Variants in PDLIM5 observed in about 807,000 individuals in gnomAD.
PDLIM5 encodes PDZ and LIM domain protein 5.
A neutral mutation model predicts 64.2 loss-of-function variants in PDLIM5; 34 were observed. The observed-to-expected ratio is 0.53, with a 90% CI of 0.40 to 0.71. The LOEUF is 0.71. PDLIM5 is among the 30% of genes least tolerant of loss of function. The probability of loss-of-function intolerance (pLI) is 0.00; values close to 1 mark genes in which losing one functional copy is unlikely to be tolerated. For synonymous variants in PDLIM5, 253 were observed against 269.1 expected (o/e 0.94, Z 0.59); for missense variants, 683 against 733.6 (o/e 0.93, Z 0.80).
At chr4:94,464,647 G>A (rs545891539) in intron 2 of PDLIM5, among the ~76,000 whole-genome samples, 24 of 152,300 alleles carry the variant, frequency 1.6e-4, no homozygotes, top group Non-Finnish European at 2.6e-4. Flanking sequence ...GCTAGCTATC[G>A]TGTTACACAT....
chr4:94,630,910 A>G (rs186622668), intron 8 of PDLIM5, among the ~76,000 whole-genome samples: 2 of 152,216 alleles, frequency 1.3e-5, no homozygotes, highest in East Asian at 1.9e-4. Context: ...GTCCTTAGCA[A>G]AAGTATTAGA....
chr4:94,458,930 G>A (rs142343523), intron 2 of PDLIM5, among the ~76,000 whole-genome samples: 1 of 152,266 alleles, frequency 6.6e-6, no homozygotes, highest in East Asian at 1.9e-4. Context: ...GCTGTAGCTG[G>A]ATGATCACAT....
At position 94,618,028 on chromosome 4, in the gene PDLIM5, G is replaced by A; in HGVS notation, c.945G>A (p.Gln315=). The A allele has an allele frequency of 6.3e-7, 1 of 1,582,712 alleles. No individual in the cohort carries two copies. Among genetic ancestry groups the A allele is most frequent in the Non-Finnish European group, 8.6e-7 (1 of 1,164,404 alleles). Residue 315 remains glutamine, a synonymous_variant, in exon 8 of 13, where the codon CAG becomes CAA. Transcript: ENST00000317968. ...KANNSQEPSP[Q]LASSVASTRS... is the part of the protein sequence containing the mutation. ...GTAACTCTCAGGAGCCTTCTCCGCAGTTGGCTTCCTCGGTAGCTTCCACAC... is the reference window on the plus strand; with the variant it reads ...GTAACTCTCAGGAGCCTTCTCCGCAATTGGCTTCCTCGGTAGCTTCCACAC...
At chr4:94,587,062 C>T (rs762421787) in intron 7 of PDLIM5, 20 of 1,609,298 alleles carry the variant, frequency 1.2e-5, no homozygotes, top group East Asian at 2.2e-5. Context: ...AGTTTCAGCA[C>T]GTGCTCTTAA....
rs141252645 is a variant in PDLIM5 at position 94,607,477 on chromosome 4, C to T, written c.921-10527C>T. On this transcript the variant is annotated intron_variant, in intron 7 of 12. Coordinates refer to ENST00000317968, the MANE Select transcript of PDLIM5 (RefSeq NM_006457.5). ...AAAGTAAAGAATACTCAAAACCCTA[C>T]GATTGCATGCCACCATCTGTTGTAT... Among the ~76,000 whole-genome samples the T allele has an allele frequency of 3.3e-3, 502 of 152,242 alleles. 1 individual carries two copies. Among genetic ancestry groups the T allele is most frequent in the Non-Finnish European group, 4.6e-3 (316 of 68,004 alleles).
At chr4:94,662,083 T>C (rs1742774532) in intron 11 of PDLIM5, among the ~76,000 whole-genome samples, 1 of 152,150 alleles carries the variant, frequency 6.6e-6, no homozygotes, top group South Asian at 2.1e-4. Context: ...CCTCCCAAAG[T>C]GCTGGGATTA....
At chr4:94,456,895 C>A in intron 2 of PDLIM5, 1 of 1,068,258 alleles carries the variant, frequency 9.4e-7, no homozygotes, top group Non-Finnish European at 1.1e-6. Flanking sequence ...TGATATTATT[C>A]CCATTGTATA....
chr4:94,588,270 T>C lies in PDLIM5; in HGVS notation c.920+1826T>C, dbSNP rs972069491. On this transcript the variant is annotated intron_variant, in intron 7 of 12. Transcript: ENST00000317968. ...TTGTGAGGTTACTAAAATATGGGTA[T>C]AAAACACGGCAGGCCAGGTGCGGTG... The C allele has an allele frequency of 5.6e-6, 4 of 713,140 alleles. No homozygotes were observed. In the African/African-American group the frequency reaches 7.7e-5, roughly 14 times the overall value. The allele number at this position is 713,140 out of a possible 1,614,324, so 44.2% of individuals were successfully genotyped here.
chr4:94,587,562 T>C, intron 7 of PDLIM5: 1 of 941,314 alleles, frequency 1.1e-6, no homozygotes, highest in Non-Finnish European at 1.3e-6. Flanking sequence ...TAAGTAAATA[T>C]AAGGAGGCAA....
rs1742996342 is a variant in PDLIM5 at position 94,664,896 on chromosome 4, T to C, written c.*829T>C. ...AAAAAAAAACTTTGCTTGTATATTA[T>C]TTTTGCCTTACAGTGGATCATTCTA... On this transcript the variant is annotated 3_prime_UTR_variant, in exon 13 of 13. Coordinates refer to ENST00000317968, the MANE Select transcript of PDLIM5 (RefSeq NM_006457.5). 2 of 973,818 alleles carry C rather than the reference T, an allele frequency of 2.1e-6. No individual in the cohort carries two copies. The highest frequency in any genetic ancestry group is 4.7e-5 in the South Asian group (1 of 21,064). 60.3% of individuals were successfully genotyped at this position (973,818 alleles called of 1,614,324 possible). A position where few individuals can be genotyped will look rare whatever the true frequency, so the allele number is the denominator to read the frequency against.
At chr4:94,641,542 CAT>C (rs1741006738) in intron 9 of PDLIM5, among the ~76,000 whole-genome samples, 1 of 152,070 alleles carries the variant, frequency 6.6e-6, no homozygotes, top group African/African-American at 2.4e-5. Flanking sequence ...GTTTAAAAAA[CAT>C]AGAAACACAG....
chr4:94,516,288 C>T (rs1729351359), intron 2 of PDLIM5, among the ~76,000 whole-genome samples: 1 of 148,672 alleles, frequency 6.7e-6, no homozygotes, highest in Admixed American at 6.6e-5. Flanking sequence ...GAGGTATTCT[C>T]CTCATTGCTA....
chr4:94,656,836 G>C (rs1216169704), intron 10 of PDLIM5: 2 of 151,576 alleles, frequency 1.3e-5, no homozygotes, highest in Non-Finnish European at 2.9e-5. Context: ...GGGTTTCACC[G>C]TGTTAGCCAG....
chr4:94,626,655 A>T (rs1047861535), intron 8 of PDLIM5, among the ~76,000 whole-genome samples: 9 of 152,066 alleles, frequency 5.9e-5, no homozygotes, highest in Non-Finnish European at 1.3e-4. Context: ...TTTGGCTAAG[A>T]TTCTAGTTAA....
rs868554670 is a variant in PDLIM5, at chr4:94,542,040, G to T, written c.248+18165G>T. On this transcript the variant is annotated intron_variant, in intron 3 of 12. Coordinates refer to ENST00000317968, the MANE Select transcript of PDLIM5 (RefSeq NM_006457.5). ...TAAAGTAAGAGGCCCGGCTGGGCAT[G>T]GTGGCTCATGCGTGTAATCCCAGCA... is the stretch of plus-strand genomic sequence containing the variant. Among the ~76,000 whole-genome samples the T allele has an allele frequency of 3.9e-5, 6 of 152,160 alleles. No individual in the cohort carries two copies. The South Asian group carries it at 6.2e-4, about 16-fold the overall frequency.
Position 94,625,455 on chromosome 4 carries a change from C to CT in PDLIM5, c.1108+7279dup, listed in dbSNP as rs755099642. Among the ~76,000 whole-genome samples the CT allele has an allele frequency of 2.6e-3, 373 of 141,714 alleles. 3 individuals carry two copies. The highest frequency in any genetic ancestry group is 0.018 in the South Asian group (80 of 4,418). The allele number at this position is 141,714 out of a possible 152,430, so 93.0% of individuals were successfully genotyped here. ...TAGTATTTTATCATTTAATATTAGA[C>CT]TTTTTTTTTTTTTTTGAGACAGAGT... On this transcript the variant is annotated intron_variant, in intron 8 of 12. Transcript: ENST00000317968.
chr4:94,522,568 G>C (rs1729927475), intron 2 of PDLIM5, among the ~76,000 whole-genome samples: 1 of 152,030 alleles, frequency 6.6e-6, no homozygotes, highest in Non-Finnish European at 1.5e-5. Flanking sequence ...TAGAGATGGG[G>C]TTTCACCATG....
chr4:94,664,422 A>G lies in PDLIM5; in HGVS notation c.*355A>G. The G allele has an allele frequency of 1.3e-6, 1 of 781,174 alleles. No homozygotes were observed. The highest frequency in any genetic ancestry group is 1.6e-6 in the Non-Finnish European group (1 of 643,182). 48.4% of individuals were successfully genotyped at this position (781,174 alleles called of 1,614,324 possible). On this transcript the variant is annotated 3_prime_UTR_variant, in exon 13 of 13. Coordinates refer to ENST00000317968, the MANE Select transcript of PDLIM5 (RefSeq NM_006457.5). ...ATTATACCTTCTTTCCTTGTTAGGT[A>G]GTTATGAGTAAATCTGCAAAAGGCA... is the stretch of plus-strand genomic sequence containing the variant.
chr4:94,617,193 AATT>A (rs1738848729), intron 7 of PDLIM5, among the ~76,000 whole-genome samples: 1 of 152,180 alleles, frequency 6.6e-6, no homozygotes, highest in Non-Finnish European at 1.5e-5. Context: ...GGCTACCTAG[AATT>A]ATTATTTTTT....
Sources: allele counts gnomAD v4.1 joint callset (sites outside exome capture counted in the v4.1 genomes callset), GRCh38; gene constraint gnomAD v4.1.1; transcripts MANE v1.5; gene names NCBI Gene and HGNC (gene_info 2026-07-23, HGNC 2026-07-21).